The following ATF6 variants were observed in gnomAD, a reference collection of about 807,000 sequenced individuals.
ATF6 encodes activating transcription factor 6, also known as cyclic AMP-dependent transcription factor ATF-6 alpha.
ATF6 carries 53 observed loss-of-function variants against 83.6 expected under a neutral mutation model. That is an observed-to-expected ratio of 0.63 (90% CI 0.51 to 0.80). The LOEUF (loss-of-function observed/expected upper bound fraction) is 0.80. Among genes scored for constraint, ATF6 ranks in the 30% least tolerant of loss-of-function variants. The probability of loss-of-function intolerance (pLI) is 0.00; values close to 1 mark genes in which losing one functional copy is unlikely to be tolerated. For synonymous variants in ATF6, 288 were observed against 285.8 expected, an observed-to-expected ratio of 1.01 and a Z score of -0.08; for missense variants, 744 against 797.9, an observed-to-expected ratio of 0.93 and a Z score of 0.81.
chr1:161,859,769 A>G (rs948016701), intron 12 of ATF6, among the ~76,000 whole-genome samples: 1 of 152,190 alleles, frequency 6.6e-6, no homozygotes, highest in Non-Finnish European at 1.5e-5. Context: ...CTTAGTTCAT[A>G]GATGTATTTT....
intron 4 of ATF6, among the ~76,000 whole-genome samples, chr1:161,784,939 G>A (rs1684713180): frequency 6.6e-6 from 1 of 152,270 alleles, no homozygotes; most frequent in African/African-American, 2.4e-5. Context: ...AAGCTTTACT[G>A]TATCAGTCAT....
rs185090352 is a variant in ATF6 at position 161,960,547 on chromosome 1, G to A, written c.*1893G>A. ...TCCAAGCTAGTTAAATGCTTTCCAAGGAAATCAGTTCAACTTTTGTGAGCG... is the reference window on the plus strand; with the variant it reads ...TCCAAGCTAGTTAAATGCTTTCCAAAGAAATCAGTTCAACTTTTGTGAGCG... On this transcript the variant is annotated 3_prime_UTR_variant, in exon 16 of 16. Coordinates refer to ENST00000367942, the MANE Select transcript of ATF6 (RefSeq NM_007348.4). 11 of 152,318 alleles carry A rather than the reference G, an allele frequency of 7.2e-5. No individual in the cohort carries two copies. The highest frequency in any genetic ancestry group is 2.6e-4 in the African/African-American group (11 of 41,576). 9.4% of individuals were successfully genotyped at this position (152,318 alleles called of 1,614,324 possible).
intron 15 of ATF6, among the ~76,000 whole-genome samples, chr1:161,922,802 G>A (rs1347731404): frequency 2.0e-5 from 3 of 152,034 alleles, no homozygotes; most frequent in Non-Finnish European, 2.9e-5. Context: ...GGGAGAGGAA[G>A]GAATGATACG....
chr1:161,883,999 A>G (rs1687369923), intron 14 of ATF6, among the ~76,000 whole-genome samples: 1 of 152,132 alleles, frequency 6.6e-6, no homozygotes, highest in South Asian at 2.1e-4. Flanking sequence ...TGTATGTATA[A>G]TACTCTATCA....
At chr1:161,918,674 A>C (rs1688147642) in intron 15 of ATF6, among the ~76,000 whole-genome samples, 1 of 152,218 alleles carries the variant, frequency 6.6e-6, no homozygotes, top group Non-Finnish European at 1.5e-5. Context: ...AGGGTTTGAG[A>C]AAGTTGAATA....
At chr1:161,949,017 T>C (rs1041213184) in intron 15 of ATF6, among the ~76,000 whole-genome samples, 10 of 152,230 alleles carry the variant, frequency 6.6e-5, no homozygotes. Flanking sequence ...ACCCTGTACT[T>C]AACCCCATTC....
intron 9 of ATF6, among the ~76,000 whole-genome samples, chr1:161,830,909 C>A (rs1387637771): frequency 6.6e-6 from 1 of 152,230 alleles, no homozygotes; most frequent in Non-Finnish European, 1.5e-5. Context: ...ATGTCTAAAA[C>A]ACCAAAAGCA....
chr1:161,889,896 A>G (rs529256017), intron 14 of ATF6, among the ~76,000 whole-genome samples: 1 of 152,346 alleles, frequency 6.6e-6, no homozygotes, highest in African/African-American at 2.4e-5. Flanking sequence ...GGGAAAAGGT[A>G]ATTTTTTCAC....
At chr1:161,941,033 C>T (rs1444826232) in intron 15 of ATF6, among the ~76,000 whole-genome samples, 7 of 152,184 alleles carry the variant, frequency 4.6e-5, no homozygotes, top group African/African-American at 1.7e-4. Flanking sequence ...AGGGCTTACT[C>T]ATCTCTCAGT....
chr1:161,920,516 G>A (rs959535894), intron 15 of ATF6, among the ~76,000 whole-genome samples: 5 of 151,854 alleles, frequency 3.3e-5, no homozygotes, highest in African/African-American at 4.8e-5. Context: ...GGGTGGTCTC[G>A]ATCTCCTGAC....
intron 14 of ATF6, among the ~76,000 whole-genome samples, chr1:161,907,486 C>T (rs1446337202): frequency 2.0e-5 from 3 of 152,122 alleles, no homozygotes; most frequent in Non-Finnish European, 4.4e-5. Flanking sequence ...AAACTTTTTC[C>T]CTAATAGAGG....
chr1:161,802,046 A>G lies in ATF6; in HGVS notation c.689-6A>G, dbSNP rs1255679150. 6.2e-7 allele frequency: 1 copy of G among 1,613,844 alleles called. No individual in the cohort carries two copies. Among genetic ancestry groups the G allele is most frequent in the South Asian group, 1.1e-5 (1 of 91,076 alleles). On this transcript the variant is annotated splice_polypyrimidine_tract_variant and splice_region_variant and intron_variant, in intron 6 of 15. Coordinates refer to ENST00000367942, the MANE Select transcript of ATF6 (RefSeq NM_007348.4). ...CCTTTGATTCCTTTTCTTTTTTCTA[A>G]CGCAGGCCAGACGGTTTTGCTGTCT...
rs112211003 is a variant in ATF6 at position 161,876,324 on chromosome 1, CAT to C, written c.1719+13015_1719+13016del. On this transcript the variant is annotated intron_variant, in intron 14 of 15. Coordinates refer to ENST00000367942, the MANE Select transcript of ATF6 (RefSeq NM_007348.4). ...AACTAAGTGTAATTTGATGAATTAA[CAT>C]ATGGTTGGAAAGTGTCATGATTTCT... Among the ~76,000 whole-genome samples the C allele has an allele frequency of 9.8e-3, 1,492 of 152,124 alleles. 25 individuals are homozygous for C. Among genetic ancestry groups the C allele is most frequent in the African/African-American group, 0.034 (1,424 of 41,548 alleles).
intron 14 of ATF6, among the ~76,000 whole-genome samples, chr1:161,904,792 TTAAC>T (rs1687851618): frequency 6.6e-6 from 1 of 152,172 alleles, no homozygotes; most frequent in Non-Finnish European, 1.5e-5. Flanking sequence ...ACCTCCATCT[TTAAC>T]TAGGATTGCA....
intron 14 of ATF6, among the ~76,000 whole-genome samples, chr1:161,899,720 C>T (rs1166549313): frequency 6.6e-6 from 1 of 152,050 alleles, no homozygotes; most frequent in Non-Finnish European, 1.5e-5. Flanking sequence ...CTGGGTCTTG[C>T]ATATTTATTG....
intron 15 of ATF6, among the ~76,000 whole-genome samples, chr1:161,947,857 T>G: frequency 7.0e-6 from 1 of 142,428 alleles, no homozygotes. Context: ...GGAGTGTTGC[T>G]CTTCTTGCCG....
intron 12 of ATF6, among the ~76,000 whole-genome samples, chr1:161,855,256 A>G (rs904552583): frequency 1.3e-5 from 2 of 152,176 alleles, no homozygotes; most frequent in East Asian, 3.9e-4. Context: ...GTTGTGGTCC[A>G]TACTGGTGTG....
At chr1:161,945,370 C>T (rs1320399745) in intron 15 of ATF6, among the ~76,000 whole-genome samples, 9 of 151,930 alleles carry the variant, frequency 5.9e-5, no homozygotes, top group Admixed American at 5.9e-4. Context: ...TTTCTCCTTA[C>T]CCTTGAGCAC....
rs1286274089 is a variant in ATF6 at position 161,958,655 on chromosome 1, C to T, written c.*1C>T. The T allele has an allele frequency of 1.2e-6, 2 of 1,604,952 alleles. No individual in the cohort carries two copies. The highest frequency in any genetic ancestry group is 2.7e-5 in the African/African-American group (2 of 74,758). ...CACCATCCCTGAGTCATTACAATAG[C>T]ACCCTGCAGCTATGCTGGAAAACTG... On this transcript the variant is annotated 3_prime_UTR_variant, in exon 16 of 16. Transcript: ENST00000367942.
Sources: allele counts gnomAD v4.1 joint callset (sites outside exome capture counted in the v4.1 genomes callset), GRCh38; gene constraint gnomAD v4.1.1; transcripts MANE v1.5; gene names NCBI Gene and HGNC (gene_info 2026-07-23, HGNC 2026-07-21).